The following EYA4 variants were observed in gnomAD, a reference collection of about 807,000 sequenced individuals.
EYA4 encodes protein phosphatase EYA4.
EYA4 carries 31 observed loss-of-function variants against 87.9 expected under a neutral mutation model. The observed-to-expected ratio is 0.35, with a 90% CI of 0.27 to 0.48. EYA4 has a LOEUF of 0.48. Ranked by LOEUF, EYA4 falls within the 20% of genes least tolerant of loss-of-function variation. EYA4 has a pLI of 0.99. For synonymous variants in EYA4, 263 were observed against 270.6 expected (o/e 0.97, Z 0.28); for missense variants, 678 against 761.4 (o/e 0.89, Z 1.29).
chr6:133,442,278 G>A (rs1356672072), intron 3 of EYA4, among the ~76,000 whole-genome samples: 1 of 151,986 alleles, frequency 6.6e-6, no homozygotes, highest in Non-Finnish European at 1.5e-5. Flanking sequence ...TATTTCTTTT[G>A]TGTTTTATTT....
chr6:133,361,949 A>C (rs1487553280), intron 2 of EYA4, among the ~76,000 whole-genome samples: 7 of 152,234 alleles, frequency 4.6e-5, no homozygotes, highest in African/African-American at 1.7e-4. Context: ...CAAGTAGGCC[A>C]GTGACCCAAT....
intron 2 of EYA4, among the ~76,000 whole-genome samples, chr6:133,290,143 T>TAATTCTCA (rs1489316543): frequency 6.6e-6 from 1 of 152,202 alleles, no homozygotes; most frequent in Admixed American, 6.5e-5. Flanking sequence ...TTAACTCATT[T>TAATTCTCA]AATTCTCATG....
chr6:133,398,648 T>C (rs117511845), intron 3 of EYA4, among the ~76,000 whole-genome samples: 2 of 152,164 alleles, frequency 1.3e-5, no homozygotes, highest in African/African-American at 2.4e-5. Flanking sequence ...TTTGCATGCA[T>C]GCTATGGAAG....
At position 133,392,892 on chromosome 6, in the gene EYA4, T is replaced by C. The variant is rs149892272; in HGVS notation, c.83+10451T>C. Among the ~76,000 whole-genome samples the C allele has an allele frequency of 6.0e-3, 909 of 152,298 alleles. 7 individuals are homozygous for C. The highest frequency in any genetic ancestry group is 0.021 in the African/African-American group (878 of 41,570). Reference sequence around the variant, plus strand: ...AACTGAGCTCAGAAATCTTTGTGGTTAACAGTACAAAACTCGTTCTGGAGA... The same window carrying C: ...AACTGAGCTCAGAAATCTTTGTGGTCAACAGTACAAAACTCGTTCTGGAGA... On this transcript the variant is annotated intron_variant, in intron 3 of 19. Coordinates refer to ENST00000355286, the MANE Select transcript of EYA4 (RefSeq NM_004100.5).
At chr6:133,421,080 G>T (rs1203885802) in intron 3 of EYA4, among the ~76,000 whole-genome samples, 1 of 152,168 alleles carries the variant, frequency 6.6e-6, no homozygotes, top group Non-Finnish European at 1.5e-5. Context: ...CCCTCCATTT[G>T]GCTTCCTCTT....
At chr6:133,466,773 TAAAAA>T (rs5880182) in intron 10 of EYA4, among the ~76,000 whole-genome samples, 60 of 136,470 alleles carry the variant, frequency 4.4e-4, no homozygotes, top group African/African-American at 1.6e-3. Context: ...TCACTGAACT[TAAAAA>T]AAAAAAAAAG....
At chr6:133,294,310 GA>G (rs1338987181) in intron 2 of EYA4, among the ~76,000 whole-genome samples, 2 of 149,246 alleles carry the variant, frequency 1.3e-5, no homozygotes, top group African/African-American at 4.9e-5. Context: ...GAAATATAAA[GA>G]AAAAGGATAT....
chr6:133,445,910 C>T (rs1792787108), intron 3 of EYA4, among the ~76,000 whole-genome samples: 1 of 152,176 alleles, frequency 6.6e-6, no homozygotes. Context: ...ATGGTCAGCC[C>T]TTCAAGAATC....
chr6:133,374,327 A>C (rs1785501151), intron 2 of EYA4, among the ~76,000 whole-genome samples: 1 of 151,884 alleles, frequency 6.6e-6, no homozygotes, highest in African/African-American at 2.4e-5. Context: ...CTAGTGCATG[A>C]TTTTGTCTAA....
chr6:133,411,048 A>T (rs886151572), intron 3 of EYA4, among the ~76,000 whole-genome samples: 2 of 147,976 alleles, frequency 1.4e-5, no homozygotes, highest in African/African-American at 5.0e-5. Flanking sequence ...AGAGGGGGCT[A>T]TGTGCTTGAA....
chr6:133,380,860 TTCC>T (rs370054944), intron 2 of EYA4, among the ~76,000 whole-genome samples: 1,542 of 148,436 alleles, frequency 0.01, 40 homozygotes, highest in African/African-American at 0.035. Flanking sequence ...CTTGTTCCTC[TTCC>T]TCCTCCTCCT....
intron 1 of EYA4, among the ~76,000 whole-genome samples, chr6:133,245,892 A>G (rs1218753293): frequency 6.6e-6 from 1 of 152,214 alleles, no homozygotes; most frequent in Non-Finnish European, 1.5e-5. Context: ...ACATTAATAT[A>G]TGCTTTGGTG....
At chr6:133,483,564 T>TGAGTA (rs1796415301) in intron 13 of EYA4, among the ~76,000 whole-genome samples, 1 of 151,860 alleles carries the variant, frequency 6.6e-6, no homozygotes. Flanking sequence ...TTCTGTGACT[T>TGAGTA]GAGTACACAT....
chr6:133,382,477 G>C (rs1188560516), intron 3 of EYA4, 36 bp downstream of exon 3: 1 of 1,443,128 alleles, frequency 6.9e-7, no homozygotes, highest in South Asian at 1.1e-5. Flanking sequence ...CCCCTAAGGA[G>C]AATTGCAGTT....
Position 133,527,708 on chromosome 6 carries a change from G to A in EYA4, c.1840-1017G>A, listed in dbSNP as rs149646707. Among the ~76,000 whole-genome samples, 18 of 152,232 alleles carry A rather than the reference G, an allele frequency of 1.2e-4. No individual in the cohort carries two copies. The East Asian group carries it at 2.7e-3, about 23-fold the overall frequency. ...TGGTGGCTACCATAGTGTGCAGCAA[G>A]GAATTATATAGCAATAAGGATTATT... On this transcript the variant is annotated intron_variant, in intron 19 of 19. Coordinates refer to ENST00000355286, the MANE Select transcript of EYA4 (RefSeq NM_004100.5).
At chr6:133,464,298 A>G (rs984080855) in intron 9 of EYA4, among the ~76,000 whole-genome samples, 2 of 152,136 alleles carry the variant, frequency 1.3e-5, no homozygotes, top group African/African-American at 4.8e-5. Flanking sequence ...TTTTTGTTCT[A>G]AAGAAAAGAC....
At chr6:133,242,430 TTCATTGGC>T (rs1774029576) in intron 1 of EYA4, among the ~76,000 whole-genome samples, 1 of 152,186 alleles carries the variant, frequency 6.6e-6, no homozygotes, top group Admixed American at 6.5e-5. Flanking sequence ...AGCAGTCGCG[TTCATTGGC>T]TCGAGTAGCG....
At chr6:133,309,067 AAT>A (rs1780021948) in intron 2 of EYA4, among the ~76,000 whole-genome samples, 1 of 152,126 alleles carries the variant, frequency 6.6e-6, no homozygotes, top group Non-Finnish European at 1.5e-5. Flanking sequence ...TTTAAAACAA[AAT>A]ATAGCAAAAA....
At chr6:133,365,766 G>A (rs1562335055) in intron 2 of EYA4, among the ~76,000 whole-genome samples, 1 of 152,066 alleles carries the variant, frequency 6.6e-6, no homozygotes, top group Non-Finnish European at 1.5e-5. Context: ...TAGGGAAGGG[G>A]AGTATTGACT....
Sources: allele counts gnomAD v4.1 joint callset (sites outside exome capture counted in the v4.1 genomes callset), GRCh38; gene constraint gnomAD v4.1.1; transcripts MANE v1.5; gene names NCBI Gene and HGNC (gene_info 2026-07-23, HGNC 2026-07-21).